Variants in LIPM observed in about 807,000 individuals in gnomAD.
LIPM encodes the protein lipase family member M.
A neutral mutation model predicts 42.4 loss-of-function variants in LIPM; 42 were observed. The observed-to-expected ratio is 0.99, with a 90% CI of 0.77 to 1.28. The LOEUF (loss-of-function observed/expected upper bound fraction) is 1.28. LIPM is among the 50% of genes most tolerant of loss of function. LIPM has a pLI of 0.00. For missense variants in LIPM, 524 were observed against 520.1 expected (o/e 1.01, Z -0.07); for synonymous variants, 177 against 173.3 (o/e 1.02, Z -0.17).
At chr10:88,814,387 C>T (rs1296490252) in intron 3 of LIPM, 143 bp from the exon 4 acceptor site, 1 of 609,666 alleles carries the variant, frequency 1.6e-6, no homozygotes, top group Non-Finnish European at 2.9e-6. Flanking sequence ...TGAAAGAAAT[C>T]CATTCTGAGT....
intron 2 of LIPM, among the ~76,000 whole-genome samples, chr10:88,808,715 C>T (rs140149872): frequency 1.6e-3 from 239 of 152,248 alleles, no homozygotes; most frequent in Non-Finnish European, 1.9e-3. Flanking sequence ...CCTATGTAGA[C>T]ATTCTAAAAT....
chr10:88,807,919 T>C (rs1843608245), intron 1 of LIPM, among the ~76,000 whole-genome samples: 2 of 152,206 alleles, frequency 1.3e-5, no homozygotes, highest in African/African-American at 4.8e-5. Context: ...TCTGATCCAG[T>C]GGTTCTCAAA....
intron 1 of LIPM, among the ~76,000 whole-genome samples, chr10:88,803,942 G>A (rs954593801): frequency 2.6e-5 from 4 of 152,112 alleles, no homozygotes; most frequent in African/African-American, 4.8e-5. Context: ...AAAGAGGAGA[G>A]GCTACCTCCA....
chr10:88,803,840 A>G (rs921816269), intron 1 of LIPM, among the ~76,000 whole-genome samples: 2 of 152,156 alleles, frequency 1.3e-5, no homozygotes, highest in Admixed American at 6.6e-5. Flanking sequence ...AGGCCATACC[A>G]ATGTAATAGC....
chr10:88,819,871 A>G (rs1214048604), intron 8 of LIPM, among the ~76,000 whole-genome samples: 1 of 152,190 alleles, frequency 6.6e-6, no homozygotes, highest in Non-Finnish European at 1.5e-5. Context: ...TGTTTGTGAA[A>G]TTATCTTTTA....
chr10:88,804,125 G>A (rs1843559993), intron 1 of LIPM, among the ~76,000 whole-genome samples: 1 of 152,194 alleles, frequency 6.6e-6, no homozygotes, highest in South Asian at 2.1e-4. Flanking sequence ...TCTGCATGGT[G>A]CTGAATATCA....
In LIPM at chr10:88,815,468, C is replaced by T. The variant is rs1279111239; in HGVS notation, c.823C>T (p.Leu275Phe). 6.4e-7 allele frequency: 1 copy of T among 1,551,334 alleles called. No individual in the cohort carries two copies. The highest frequency in any genetic ancestry group is 8.7e-7 in the Non-Finnish European group (1 of 1,146,866). ...TCAGATTTGTAGTAATATCATGTTACTTCTGGGTGGATTCAACACCAACAA... is the reference window on the plus strand; with the variant it reads ...TCAGATTTGTAGTAATATCATGTTATTTCTGGGTGGATTCAACACCAACAA... Reference protein sequence around the residue: ...LDQICSNIMLLLGGFNTNNMN... With the variant: ...LDQICSNIMLFLGGFNTNNMN... The change falls in exon 6 of 9, where the codon CTT becomes TTT. Residue 275 changes from leucine to phenylalanine, a missense_variant. By Grantham distance (22) the Leu-to-Phe change is conservative (BLOSUM62 0). Transcript: ENST00000404743.
intron 1 of LIPM, among the ~76,000 whole-genome samples, chr10:88,803,256 T>A (rs539922561): frequency 1.1e-4 from 17 of 152,338 alleles, no homozygotes; most frequent in African/African-American, 3.8e-4. Context: ...GGCAAATGAC[T>A]TAATCTCTTT....
Position 88,808,380 on chromosome 10 carries a change from G to C in LIPM, c.230G>C (p.Arg77Thr). The C allele has an allele frequency of 1.3e-6, 2 of 1,551,480 alleles. No individual in the cohort carries two copies. The highest frequency in any genetic ancestry group is 1.7e-6 in the Non-Finnish European group (2 of 1,146,714). Residue 77 changes from arginine (R) to threonine (T), a missense_variant, in exon 2 of 9, where the codon AGG (arginine) becomes ACG (threonine). Transcript: ENST00000404743. ...TEDGYILSVN[R>T]IPRGLVQPKK... is the part of the protein sequence containing the mutation. ...GATGGGTATATCCTTTCTGTTAACA[G>C]GATTCCTCGAGGCCTAGTGCAACCT...
intron 6 of LIPM, among the ~76,000 whole-genome samples, chr10:88,816,256 G>T (rs1028681575): frequency 9.2e-5 from 14 of 152,184 alleles, no homozygotes; most frequent in African/African-American, 3.4e-4. Flanking sequence ...CAGACTGAGA[G>T]TGGAGGGCTG....
In LIPM at chr10:88,813,307, T is replaced by A; in HGVS notation, c.464+12T>A. 1 of 1,554,402 alleles carries A rather than the reference T, an allele frequency of 6.4e-7. No individual in the cohort carries two copies. Among genetic ancestry groups the A allele is most frequent in the Non-Finnish European group, 8.7e-7 (1 of 1,146,688 alleles). ...TTCTGGGCTTTCAGGTATATGATAA[T>A]CTCGAGAACAGAGGTAGACATGTCT... On this transcript the variant is annotated intron_variant, in intron 3 of 8. Transcript: ENST00000404743.
At chr10:88,818,442 T>C (rs1485434570) in intron 8 of LIPM, among the ~76,000 whole-genome samples, 2 of 152,248 alleles carry the variant, frequency 1.3e-5, no homozygotes, top group African/African-American at 4.8e-5. Flanking sequence ...ATACTTTAAA[T>C]GAATCTGTAA....
rs570025197 is a variant in LIPM, at chr10:88,808,426, C to G, written c.265+11C>G. On this transcript the variant is annotated intron_variant, in intron 2 of 8. Coordinates refer to ENST00000404743, the MANE Select transcript of LIPM (RefSeq NM_001128215.1). ...AACCTAAGAAGACAGGTGTGGGTCA[C>G]CCCATGTCACCGCAACACAGCAGTC... is the stretch of plus-strand genomic sequence containing the variant. 30 of 1,397,132 alleles carry G rather than the reference C, an allele frequency of 2.1e-5. No individual in the cohort carries two copies. In the South Asian group the frequency reaches 3.1e-4, roughly 14 times the overall value. 86.5% of individuals were successfully genotyped at this position (1,397,132 alleles called of 1,614,324 possible). A position where few individuals can be genotyped will look rare whatever the true frequency, so the allele number is the denominator to read the frequency against.
At chr10:88,809,245 G>A (rs753766839) in intron 2 of LIPM, among the ~76,000 whole-genome samples, 5 of 152,072 alleles carry the variant, frequency 3.3e-5, no homozygotes, top group Non-Finnish European at 5.9e-5. Context: ...ATGAGCCACC[G>A]CGCCTGGCTA....
chr10:88,805,063 G>A (rs186112454), intron 1 of LIPM, among the ~76,000 whole-genome samples: 3 of 151,032 alleles, frequency 2.0e-5, no homozygotes, highest in Admixed American at 2.0e-4. Context: ...ATACTTTGAT[G>A]AATAACTGGC....
rs1392334043 is a variant in LIPM at position 88,802,918 on chromosome 10, C to G, written c.22C>G (p.Gln8Glu). 1.3e-6 allele frequency: 2 copies of G among 1,549,096 alleles called. No individual in the cohort carries two copies. The highest frequency in any genetic ancestry group is 2.4e-5 in the East Asian group (1 of 40,826). ...GACCATGTTGGAAACCTTGTCAAGA[C>G]AGTGGATTGTCTCACACAGAATGGA... MLETLSR[Q>E]WIVSHRMEMW... Residue 8 changes from glutamine (Q) to glutamate (E), a missense_variant, in exon 1 of 9, where the codon CAG becomes GAG. By Grantham distance (29) the Gln-to-Glu change is conservative. Transcript: ENST00000404743.
intron 8 of LIPM, among the ~76,000 whole-genome samples, chr10:88,819,131 C>T (rs1006490360): frequency 6.6e-5 from 10 of 152,052 alleles, no homozygotes; most frequent in African/African-American, 2.2e-4. Context: ...CTCAAGTGAT[C>T]CACCTACCTC....
intron 6 of LIPM, among the ~76,000 whole-genome samples, chr10:88,816,435 C>A (rs1399077254): frequency 6.6e-6 from 1 of 152,012 alleles, no homozygotes; most frequent in Non-Finnish European, 1.5e-5. Flanking sequence ...ATTAATATCC[C>A]CACTTTGCAG....
intron 2 of LIPM, among the ~76,000 whole-genome samples, chr10:88,812,172 T>C (rs150688271): frequency 6.6e-6 from 1 of 152,200 alleles, no homozygotes; most frequent in Non-Finnish European, 1.5e-5. Flanking sequence ...TCAAGTTATA[T>C]GTTTTTGGCA....
Sources: gnomAD v4.1 joint callset for allele counts (sites outside exome capture counted in the v4.1 genomes callset) on GRCh38, gnomAD v4.1.1 for gene constraint, MANE v1.5 for transcripts, NCBI Gene and HGNC (gene_info 2026-07-23, HGNC 2026-07-21) for gene names.